ZYG11B: variants seen among roughly 807,000 people sequenced by gnomAD.
ZYG11B encodes zyg-11 family member B, cell cycle regulator, also known as protein zyg-11 homolog B.
ZYG11B carries 36 observed loss-of-function variants against 82.4 expected under a neutral mutation model. The observed-to-expected ratio is 0.44, with a 90% CI of 0.33 to 0.58. The LOEUF (loss-of-function observed/expected upper bound fraction) is 0.58. Among genes scored for constraint, ZYG11B ranks in the 20% least tolerant of loss-of-function variants. The pLI, the probability that ZYG11B is intolerant of heterozygous loss-of-function variation, is 0.02. For synonymous variants in ZYG11B, 303 were observed against 312.8 expected (o/e 0.97, Z 0.33); for missense variants, 552 against 895.6 (o/e 0.62, Z 4.90).
At chr1:52,783,961 TACAC>T (rs778157317) in intron 4 of ZYG11B, among the ~76,000 whole-genome samples, 31 of 115,448 alleles carry the variant, frequency 2.7e-4, no homozygotes, top group Admixed American at 8.8e-4. Flanking sequence ...TATATACACA[TACAC>T]ACATATACAC....
In ZYG11B at chr1:52,826,183, T is replaced by C. The variant is rs1470775024; in HGVS notation, c.*4554T>C. The C allele has an allele frequency of 6.6e-6, 1 of 152,204 alleles. No homozygotes were observed. Among genetic ancestry groups the C allele is most frequent in the Non-Finnish European group, 1.5e-5 (1 of 68,042 alleles). 9.4% of individuals were successfully genotyped at this position (152,204 alleles called of 1,614,324 possible). On this transcript the variant is annotated 3_prime_UTR_variant, in exon 14 of 14. Transcript: ENST00000294353. ...GAGCTGATGTAGGCTCTTCCACTTT[T>C]ATCTGTATTTTACTTATTTGGGGAC...
At chr1:52,772,117 A>G (rs1274205413) in intron 3 of ZYG11B, 4 of 957,630 alleles carry the variant, frequency 4.2e-6, no homozygotes, top group Admixed American at 1.8e-5. Context: ...AACCATTTAC[A>G]TATATGGTTT....
intron 2 of ZYG11B, among the ~76,000 whole-genome samples, chr1:52,757,924 G>A (rs1644593393): frequency 6.6e-6 from 1 of 151,788 alleles, no homozygotes. Context: ...TATCTTGGCC[G>A]GGCGCAGTGG....
intron 10 of ZYG11B, among the ~76,000 whole-genome samples, chr1:52,807,780 C>T (rs1008270090): frequency 6.6e-6 from 1 of 152,152 alleles, no homozygotes; most frequent in Non-Finnish European, 1.5e-5. Flanking sequence ...TGTGCACCAC[C>T]ATAGCCTGGT....
chr1:52,805,868 T>C (rs1375447935), intron 10 of ZYG11B, among the ~76,000 whole-genome samples: 1 of 151,200 alleles, frequency 6.6e-6, no homozygotes, highest in Admixed American at 6.6e-5. Context: ...AGACTTCATC[T>C]CAAAAAAAAA....
At chr1:52,785,291 T>A (rs542498314) in intron 5 of ZYG11B, among the ~76,000 whole-genome samples, 1 of 152,264 alleles carries the variant, frequency 6.6e-6, no homozygotes, top group African/African-American at 2.4e-5. Context: ...TCCTCCTAGA[T>A]CTTGAGTTTG....
At chr1:52,820,390 T>A (rs973639436) in intron 13 of ZYG11B, among the ~76,000 whole-genome samples, 1 of 151,918 alleles carries the variant, frequency 6.6e-6, no homozygotes, top group Non-Finnish European at 1.5e-5. Flanking sequence ...CTCACACCTG[T>A]AACCCCAGCA....
chr1:52,753,802 G>T (rs1387549307), intron 1 of ZYG11B, among the ~76,000 whole-genome samples: 5 of 151,990 alleles, frequency 3.3e-5, no homozygotes, highest in African/African-American at 1.2e-4. Flanking sequence ...CTCCATGTTG[G>T]TCAGGCTGGT....
intron 6 of ZYG11B, 26 bp from the exon 7 acceptor site, chr1:52,796,266 T>G (rs1211004157): frequency 1.9e-6 from 3 of 1,590,868 alleles, no homozygotes; most frequent in Admixed American, 1.7e-5. Context: ...CACGATTAAT[T>G]CATGAAACCC....
rs756327281 is a variant in ZYG11B at position 52,771,680 on chromosome 1, C to A, written c.857C>A (p.Ala286Asp). ...CACGTGACAGATAAAGCCGTTGAAGCCTTTATACAACAACGTCCAAGCATG... is the reference window on the plus strand; with the variant it reads ...CACGTGACAGATAAAGCCGTTGAAGACTTTATACAACAACGTCCAAGCATG... ...RKHVTDKAVE[A>D]FIQQRPSMQF... The change falls in exon 3 of 14, where the codon GCC becomes GAC. Residue 286 changes from alanine (A) to aspartate (D), a missense_variant. Around this residue, in one of 3 missense-constraint regions of ZYG11B, gnomAD observed 359 missense variants for 555.8 expected, o/e 0.65. Coordinates refer to ENST00000294353, the MANE Select transcript of ZYG11B (RefSeq NM_024646.3). The surrounding 1 kb of genome is among the most constrained non-coding windows in gnomAD (Gnocchi z 5.4). The A allele has an allele frequency of 1.5e-5, 25 of 1,614,054 alleles. No individual in the cohort carries two copies. In the South Asian group the frequency reaches 2.0e-4, roughly 13 times the overall value.
chr1:52,741,358 A>C (rs1483601121), intron 1 of ZYG11B, among the ~76,000 whole-genome samples: 2 of 151,978 alleles, frequency 1.3e-5, no homozygotes, highest in Non-Finnish European at 2.9e-5. Flanking sequence ...CAAACAACTA[A>C]GAGGAGATTT....
intron 5 of ZYG11B, among the ~76,000 whole-genome samples, chr1:52,785,268 A>G (rs373819437): frequency 1.4e-3 from 213 of 152,286 alleles, no homozygotes; most frequent in African/African-American, 5.0e-3. Flanking sequence ...TACAAGCCAT[A>G]CAAAACTCAT....
intron 5 of ZYG11B, among the ~76,000 whole-genome samples, chr1:52,789,664 A>G (rs987983870): frequency 6.6e-6 from 1 of 152,188 alleles, no homozygotes; most frequent in African/African-American, 2.4e-5. Flanking sequence ...TGCTATGTCA[A>G]CAGGTAAAAC....
chr1:52,801,083 G>C (rs982361673), intron 8 of ZYG11B, among the ~76,000 whole-genome samples: 39 of 151,802 alleles, frequency 2.6e-4, no homozygotes, highest in Admixed American at 2.5e-3. Flanking sequence ...ATTTGCACCT[G>C]GAATTTCAAA....
intron 2 of ZYG11B, among the ~76,000 whole-genome samples, chr1:52,763,636 A>G (rs940179805): frequency 1.3e-5 from 2 of 152,156 alleles, no homozygotes; most frequent in Non-Finnish European, 2.9e-5. Flanking sequence ...AGTCTTAATT[A>G]AAATAAATCT....
At chr1:52,803,689 C>T (rs963565269) in intron 10 of ZYG11B, among the ~76,000 whole-genome samples, 11 of 152,098 alleles carry the variant, frequency 7.2e-5, no homozygotes, top group African/African-American at 2.7e-4. Flanking sequence ...GCAGCCTTGA[C>T]CTGCCAGACT....
intron 6 of ZYG11B, among the ~76,000 whole-genome samples, chr1:52,793,434 G>A (rs1365882671): frequency 6.6e-6 from 1 of 152,020 alleles, no homozygotes. Flanking sequence ...AGAGGTTGAG[G>A]GAGCCAAAAT....
At chr1:52,742,971 G>T (rs951199266) in intron 1 of ZYG11B, among the ~76,000 whole-genome samples, 1 of 151,782 alleles carries the variant, frequency 6.6e-6, no homozygotes, top group African/African-American at 2.4e-5. Flanking sequence ...CGCCCCGTCC[G>T]GGAGGTGGGG....
intron 1 of ZYG11B, among the ~76,000 whole-genome samples, chr1:52,744,799 C>T (rs929031542): frequency 5.3e-5 from 8 of 152,024 alleles, no homozygotes; most frequent in East Asian, 3.9e-4. Flanking sequence ...GAGCTGAGAT[C>T]GCGTTACTGC....
Sources: allele counts gnomAD v4.1 joint callset (sites outside exome capture counted in the v4.1 genomes callset), GRCh38; gene constraint gnomAD v4.1.1; regional missense constraint gnomAD v4.1.1; non-coding constraint Gnocchi (gnomAD v3.1); transcripts MANE v1.5; gene names NCBI Gene and HGNC (gene_info 2026-07-23, HGNC 2026-07-21).